Variants in PPM1H observed in about 807,000 individuals in gnomAD.
PPM1H encodes the protein protein phosphatase, Mg2+/Mn2+ dependent 1H, also known as protein phosphatase 1H.
PPM1H carries 27 observed loss-of-function variants against 54.9 expected under a neutral mutation model. The ratio of observed to expected loss-of-function variants is 0.49; its 90% CI spans 0.36 to 0.68. The LOEUF (loss-of-function observed/expected upper bound fraction) is 0.68. PPM1H is among the 30% of genes least tolerant of loss of function. PPM1H has a pLI of 0.00. For missense variants in PPM1H, 596 were observed against 667.8 expected (o/e 0.89, Z 1.19); for synonymous variants, 305 against 270.8 (o/e 1.13, Z -1.24).
At chr12:62,757,815 C>T (rs923525207) in intron 4 of PPM1H, among the ~76,000 whole-genome samples, 2 of 152,198 alleles carry the variant, frequency 1.3e-5, no homozygotes, top group African/African-American at 4.8e-5. Flanking sequence ...GTAAGTCACA[C>T]ACTCCACAGA....
chr12:62,778,716 G>A (rs77463500), intron 4 of PPM1H, among the ~76,000 whole-genome samples: 2,596 of 152,260 alleles, frequency 0.017, 38 homozygotes, highest in Middle Eastern at 0.054. Flanking sequence ...TTTGGGAGGC[G>A]AGGCAAGAGG....
At chr12:62,789,589 C>T (rs758789458) in intron 3 of PPM1H, among the ~76,000 whole-genome samples, 3 of 152,198 alleles carry the variant, frequency 2.0e-5, no homozygotes, top group Admixed American at 6.5e-5. Flanking sequence ...TAATTAGAAA[C>T]ATTCATTGAG....
intron 1 of PPM1H, among the ~76,000 whole-genome samples, chr12:62,867,186 A>T (rs1869805700): frequency 1.3e-5 from 2 of 152,176 alleles, no homozygotes; most frequent in Non-Finnish European, 2.9e-5. Flanking sequence ...GATTTGGAGC[A>T]TTAAATTTGG....
chr12:62,847,410 C>A (rs1869015511), intron 1 of PPM1H, among the ~76,000 whole-genome samples: 1 of 152,114 alleles, frequency 6.6e-6, no homozygotes, highest in South Asian at 2.1e-4. Flanking sequence ...ACTGCAAGGG[C>A]CGTGAAGGTA....
chr12:62,803,762 G>A (rs1026907076), intron 2 of PPM1H, among the ~76,000 whole-genome samples: 1 of 152,298 alleles, frequency 6.6e-6, no homozygotes, highest in South Asian at 2.1e-4. Context: ...CCAAAAGGTA[G>A]GTAGCCTATG....
intron 1 of PPM1H, among the ~76,000 whole-genome samples, chr12:62,892,620 T>C (rs1870838460): frequency 6.6e-6 from 1 of 152,220 alleles, no homozygotes; most frequent in Admixed American, 6.5e-5. Flanking sequence ...TATTTGAAGA[T>C]ATTTTATATG....
chr12:62,815,472 A>T (rs888216363), intron 2 of PPM1H, among the ~76,000 whole-genome samples: 38 of 152,210 alleles, frequency 2.5e-4, no homozygotes, highest in African/African-American at 9.2e-4. Flanking sequence ...TTGCATTGTG[A>T]TTTATTCTAG....
At chr12:62,758,313 T>G (rs1273739879) in intron 4 of PPM1H, among the ~76,000 whole-genome samples, 4 of 152,212 alleles carry the variant, frequency 2.6e-5, no homozygotes, top group South Asian at 4.1e-4. Context: ...GGCCTCAAAG[T>G]TCACATGAAC....
At chr12:62,656,092 G>A (rs937892610) in intron 9 of PPM1H, among the ~76,000 whole-genome samples, 1 of 152,212 alleles carries the variant, frequency 6.6e-6, no homozygotes, top group Non-Finnish European at 1.5e-5. Context: ...TTAAAGTCAG[G>A]CGGAAGGAGG....
At chr12:62,900,385 T>C (rs1409717289) in intron 1 of PPM1H, among the ~76,000 whole-genome samples, 1 of 149,226 alleles carries the variant, frequency 6.7e-6, no homozygotes, top group Admixed American at 6.7e-5. Flanking sequence ...AGGGGCCTGT[T>C]GTGGGGTGGG....
At chr12:62,663,380 TCTCA>T (rs2075897090) in intron 9 of PPM1H, among the ~76,000 whole-genome samples, 1 of 151,854 alleles carries the variant, frequency 6.6e-6, no homozygotes, top group Non-Finnish European at 1.5e-5. Flanking sequence ...AGAGACAGGG[TCTCA>T]CTATGTTGCC....
At chr12:62,890,209 C>A (rs978764818) in intron 1 of PPM1H, among the ~76,000 whole-genome samples, 17 of 152,170 alleles carry the variant, frequency 1.1e-4, no homozygotes, top group Admixed American at 2.0e-4. Flanking sequence ...GCCTGTAATC[C>A]CAGCACTTTA....
At chr12:62,738,288 T>C (rs2120528901) in intron 4 of PPM1H, among the ~76,000 whole-genome samples, 1 of 152,146 alleles carries the variant, frequency 6.6e-6, no homozygotes, top group East Asian at 1.9e-4. Context: ...CCCCTGGTGA[T>C]TCATAAGCAC....
intron 8 of PPM1H, among the ~76,000 whole-genome samples, chr12:62,677,333 C>T (rs1173164584): frequency 3.9e-5 from 6 of 152,194 alleles, no homozygotes; most frequent in Non-Finnish European, 7.4e-5. Flanking sequence ...TGCTGAAACA[C>T]GCCTCCCTCT....
chr12:62,782,417 C>T (rs943906804), intron 4 of PPM1H, among the ~76,000 whole-genome samples: 1 of 152,164 alleles, frequency 6.6e-6, no homozygotes, highest in Non-Finnish European at 1.5e-5. Context: ...CAGGAACAGT[C>T]AGACTTGTCA....
At chr12:62,774,882 C>T (rs893423562) in intron 4 of PPM1H, among the ~76,000 whole-genome samples, 5 of 152,116 alleles carry the variant, frequency 3.3e-5, no homozygotes, top group Non-Finnish European at 7.4e-5. Flanking sequence ...AGGTGGCGAT[C>T]CAGGTTCTGG....
intron 4 of PPM1H, among the ~76,000 whole-genome samples, chr12:62,738,217 A>C (rs1308115096): frequency 6.6e-6 from 1 of 152,120 alleles, no homozygotes; most frequent in East Asian, 1.9e-4. Flanking sequence ...GCTTGTTAGA[A>C]ATGCAGAATC....
chr12:62,874,971 A>G (rs2121019345), intron 1 of PPM1H, among the ~76,000 whole-genome samples: 1 of 152,344 alleles, frequency 6.6e-6, no homozygotes, highest in African/African-American at 2.4e-5. Flanking sequence ...CTCACCACCA[A>G]ATTGCAACTA....
chr12:62,720,383 A>C, intron 5 of PPM1H, 94 bp from the exon 6 acceptor site: 1 of 920,658 alleles, frequency 1.1e-6, no homozygotes, highest in Admixed American at 2.4e-5. Flanking sequence ...GAGACAGGCC[A>C]TATTTTAAAA....
Sources: allele counts gnomAD v4.1 joint callset (sites outside exome capture counted in the v4.1 genomes callset), GRCh38; gene constraint gnomAD v4.1.1; transcripts MANE v1.5; gene names NCBI Gene and HGNC (gene_info 2026-07-23, HGNC 2026-07-21).